CCDC7: variants seen among roughly 807,000 people sequenced by gnomAD.
The protein encoded by CCDC7 is coiled-coil domain containing 7, also known as coiled-coil domain-containing protein 7.
CCDC7 carries 183 observed loss-of-function variants against 196.9 expected under a neutral mutation model. The observed-to-expected ratio is 0.93, with a 90% CI of 0.82 to 1.05. The LOEUF (loss-of-function observed/expected upper bound fraction) is 1.05, where lower values mean the gene tolerates loss of function less well. Among genes scored for constraint, CCDC7 ranks in the 50% least tolerant of loss-of-function variants. CCDC7 has a pLI of 0.00. For missense variants in CCDC7, 1,540 were observed against 1,482.2 expected (o/e 1.04, Z -0.64); for synonymous variants, 525 against 484.6 (o/e 1.08, Z -1.10).
At chr10:32,835,892 G>C (rs930452515) in intron 33 of CCDC7, among the ~76,000 whole-genome samples, 1 of 152,082 alleles carries the variant, frequency 6.6e-6, no homozygotes, top group African/African-American at 2.4e-5. Flanking sequence ...TTCTGGCTTA[G>C]AGAGGAAAGT....
intron 33 of CCDC7, among the ~76,000 whole-genome samples, chr10:32,835,645 G>A (rs551000419): frequency 4.4e-4 from 67 of 152,136 alleles, no homozygotes; most frequent in African/African-American, 1.5e-3. Flanking sequence ...AGAGCATATG[G>A]ACACATGGAG....
intron 18 of CCDC7, among the ~76,000 whole-genome samples, chr10:32,630,507 T>G (rs936763074): frequency 6.6e-6 from 1 of 152,010 alleles, no homozygotes; most frequent in Admixed American, 6.6e-5. Flanking sequence ...ATTGCTTATT[T>G]TTGTTAGATA....
chr10:32,591,987 G>T (rs906758506), intron 18 of CCDC7, among the ~76,000 whole-genome samples: 1 of 152,066 alleles, frequency 6.6e-6, no homozygotes, highest in Non-Finnish European at 1.5e-5. Flanking sequence ...TGTTAAATTT[G>T]GTGCTCATGT....
chr10:32,838,187 G>T (rs1156591645), intron 33 of CCDC7, among the ~76,000 whole-genome samples: 1 of 152,060 alleles, frequency 6.6e-6, no homozygotes, highest in Non-Finnish European at 1.5e-5. Context: ...TGCCCAGATT[G>T]CCAGAACAAA....
chr10:32,601,269 C>T (rs1478248750), intron 18 of CCDC7, among the ~76,000 whole-genome samples: 1 of 152,108 alleles, frequency 6.6e-6, no homozygotes, highest in Non-Finnish European at 1.5e-5. Flanking sequence ...TGAGGTTTCA[C>T]CATGTTGACC....
intron 28 of CCDC7, among the ~76,000 whole-genome samples, chr10:32,747,586 C>T (rs536178319): frequency 3.3e-5 from 5 of 152,130 alleles, no homozygotes; most frequent in African/African-American, 7.2e-5. Context: ...CACATACATG[C>T]GGCCAACAAG....
intron 24 of CCDC7, among the ~76,000 whole-genome samples, chr10:32,695,618 G>A (rs946746493): frequency 6.6e-6 from 1 of 152,128 alleles, no homozygotes; most frequent in African/African-American, 2.4e-5. Context: ...TTGCCGGGTA[G>A]TGTTTTTGTC....
chr10:32,780,951 G>T (rs910712091), intron 29 of CCDC7, among the ~76,000 whole-genome samples: 1 of 151,960 alleles, frequency 6.6e-6, no homozygotes, highest in Non-Finnish European at 1.5e-5. Flanking sequence ...AAATAATAAA[G>T]TTGCTAAAAA....
At chr10:32,819,867 T>A (rs893193683) in intron 31 of CCDC7, among the ~76,000 whole-genome samples, 7 of 152,200 alleles carry the variant, frequency 4.6e-5, no homozygotes, top group Non-Finnish European at 4.4e-5. Context: ...TCATACTGAA[T>A]GGGCAAAAAC....
At position 32,571,261 on chromosome 10, in the gene CCDC7, G is replaced by A. The variant is rs139243409; in HGVS notation, c.1420-598G>A. On this transcript the variant is annotated intron_variant, in intron 15 of 41. Coordinates refer to ENST00000639629, the Ensembl canonical transcript of CCDC7. ...TGACCTCAGGTGATCTGCCTGCCTC[G>A]GCCTCCCAAAGTGCTGGGATTACAG... Among the ~76,000 whole-genome samples the A allele has an allele frequency of 8.4e-3, 1,280 of 152,036 alleles. 28 individuals carry two copies. Among genetic ancestry groups the A allele is most frequent in the African/African-American group, 0.028 (1,177 of 41,466 alleles).
chr10:32,623,842 T>A (rs1187687404), intron 18 of CCDC7: 1 of 465,842 alleles, frequency 2.1e-6, no homozygotes, highest in Admixed American at 2.4e-5. Flanking sequence ...GAGAGAGTAA[T>A]GGGAGAGGTG....
At chr10:32,876,419 A>G (rs532316143), downstream of CCDC7, 432 of 1,593,000 alleles carry the variant, frequency 2.7e-4, 10 homozygotes, top group South Asian at 4.5e-3. Context: ...TGAGCAAGAT[A>G]AGCAACATGA....
intron 41 of CCDC7, among the ~76,000 whole-genome samples, chr10:32,871,091 G>A (rs987975338): frequency 2.6e-5 from 4 of 152,104 alleles, no homozygotes; most frequent in Non-Finnish European, 4.4e-5. Flanking sequence ...CCAGGCTTTG[G>A]TATCAGGATG....
chr10:32,708,465 A>T (rs2141819859), intron 24 of CCDC7, among the ~76,000 whole-genome samples: 1 of 152,332 alleles, frequency 6.6e-6, no homozygotes, highest in East Asian at 1.9e-4. Context: ...GCCAAAATAG[A>T]CAAATGGGAT....
chr10:32,587,854 C>CT (rs965841935), intron 18 of CCDC7, among the ~76,000 whole-genome samples: 3 of 152,084 alleles, frequency 2.0e-5, no homozygotes, highest in African/African-American at 7.2e-5. Context: ...AATTTTCAGT[C>CT]TTTCACAATT....
chr10:32,689,190 T>A, intron 23 of CCDC7, 27 bp downstream of exon 24: 3 of 1,374,046 alleles, frequency 2.2e-6, no homozygotes, highest in South Asian at 1.3e-5. Context: ...AAGATAACTT[T>A]AAATTATTTA....
intron 20 of CCDC7, among the ~76,000 whole-genome samples, chr10:32,658,795 C>A (rs1349933171): frequency 6.6e-6 from 1 of 152,086 alleles, no homozygotes; most frequent in African/African-American, 2.4e-5. Context: ...TTACATATTT[C>A]TATGAATTTA....
At chr10:32,738,020 G>A (rs1251992940) in intron 28 of CCDC7, among the ~76,000 whole-genome samples, 1 of 152,120 alleles carries the variant, frequency 6.6e-6, no homozygotes, top group African/African-American at 2.4e-5. Context: ...CACATTTAAA[G>A]TGATTATTGA....
intron 22 of CCDC7, among the ~76,000 whole-genome samples, chr10:32,686,966 C>G (rs1013805128): frequency 7.2e-5 from 11 of 152,150 alleles, no homozygotes; most frequent in African/African-American, 2.2e-4. Context: ...GTGTTGCAAC[C>G]TGTTCCATAT....
Sources: gnomAD v4.1 joint callset for allele counts (sites outside exome capture counted in the v4.1 genomes callset) on GRCh38, gnomAD v4.1.1 for gene constraint, MANE v1.5 for transcripts, NCBI Gene and HGNC (gene_info 2026-07-23, HGNC 2026-07-21) for gene names.